The following TENT4B variants were observed in gnomAD, a reference collection of about 807,000 sequenced individuals.
TENT4B encodes terminal nucleotidyltransferase 4B.
Under a neutral mutation model 75.0 loss-of-function variants are expected in TENT4B, and 10 were observed. The ratio of observed to expected loss-of-function variants is 0.13; its 90% CI spans 0.08 to 0.23. The LOEUF (loss-of-function observed/expected upper bound fraction) is 0.23. Ranked by LOEUF, TENT4B falls within the 10% of genes least tolerant of loss-of-function variation. The pLI is 1.00. For synonymous variants in TENT4B, 350 were observed against 357.7 expected (o/e 0.98, Z 0.24); for missense variants, 579 against 893.8 (o/e 0.65, Z 4.49).
intron 1 of TENT4B, among the ~76,000 whole-genome samples, chr16:50,174,330 T>C (rs2038262372): frequency 6.6e-6 from 1 of 152,146 alleles, no homozygotes; most frequent in Admixed American, 6.5e-5. Flanking sequence ...ACTCCTGGTC[T>C]TCAGTGATCC....
chr16:50,153,315 A>AGCCGCCGCCGCC lies in TENT4B; in HGVS notation c.-297_-286dup, dbSNP rs1023664305. ...GCCGCCGCCGCTCGCTCTTCTGTGG[A>AGCCGCCGCCGCC]GCCGCCGCCGCCGCCGCCGCCATTT... On this transcript the variant is annotated 5_prime_UTR_variant, in exon 1 of 12. Transcript: ENST00000561678. 7.4e-6 allele frequency among the ~76,000 whole-genome samples: 1 copy of AGCCGCCGCCGCC among 135,848 alleles called. No individual in the cohort carries two copies. Among genetic ancestry groups the AGCCGCCGCCGCC allele is most frequent in the African/African-American group, 2.7e-5 (1 of 37,338 alleles). 89.1% of individuals were successfully genotyped at this position (135,848 alleles called of 152,430 possible). A position where few individuals can be genotyped will look rare whatever the true frequency, so the allele number is the denominator to read the frequency against.
chr16:50,214,617 C>T (rs1428737492), intron 3 of TENT4B, among the ~76,000 whole-genome samples: 4 of 152,298 alleles, frequency 2.6e-5, no homozygotes, highest in African/African-American at 9.6e-5. Flanking sequence ...GATCGCGCCA[C>T]TGCACTCCAG....
At chr16:50,228,923 C>T (rs747648761) in intron 11 of TENT4B, among the ~76,000 whole-genome samples, 10 of 152,092 alleles carry the variant, frequency 6.6e-5, no homozygotes, top group Non-Finnish European at 1.5e-4. Context: ...AGAAGGCGGG[C>T]GAGTGGTCTA....
At chr16:50,182,435 CT>C (rs2038432748) in intron 1 of TENT4B, among the ~76,000 whole-genome samples, 2 of 152,178 alleles carry the variant, frequency 1.3e-5, no homozygotes, top group Admixed American at 6.5e-5. Flanking sequence ...CAAAATACCT[CT>C]TCGTTATAAA....
chr16:50,231,792 C>T lies in TENT4B; in HGVS notation c.*2464C>T. ...TGCAGTGAACAGTGTGGAAGCTGTT[C>T]ATTTTTCAATCTGAAGTAAAATACT... On this transcript the variant is annotated 3_prime_UTR_variant, in exon 12 of 12. Transcript: ENST00000561678. The T allele has an allele frequency of 5.1e-6, 5 of 985,676 alleles. No homozygotes were observed. Among genetic ancestry groups the T allele is most frequent in the Non-Finnish European group, 3.6e-6 (3 of 829,784 alleles). The allele number at this position is 985,676 out of a possible 1,614,324, so 61.1% of individuals were successfully genotyped here.
At chr16:50,196,343 T>C (rs992387134) in intron 1 of TENT4B, among the ~76,000 whole-genome samples, 5 of 98,918 alleles carry the variant, frequency 5.1e-5, no homozygotes, top group Admixed American at 3.1e-4. Flanking sequence ...GTTACCTAAT[T>C]AGGAGTGTGA....
rs1567471134 is a variant in TENT4B at position 50,155,275 on chromosome 16, GTGTGTGT to G, written c.638+1017_638+1023del. ...AACAAAGCTTTTGGGTCTCGTGGGTGTGTGTGTGTGTGTGTGTGTGTGTGTGTGTGTG... is the reference window on the plus strand; with the variant it reads ...AACAAAGCTTTTGGGTCTCGTGGGTGGTGTGTGTGTGTGTGTGTGTGTGTG... On this transcript the variant is annotated intron_variant, in intron 1 of 11. Coordinates refer to ENST00000561678, the MANE Select transcript of TENT4B (RefSeq NM_001365324.3). Among the ~76,000 whole-genome samples the G allele has an allele frequency of 3.4e-3, 501 of 147,852 alleles. 2 individuals are homozygous for G. The highest frequency in any genetic ancestry group is 0.011 in the African/African-American group (440 of 40,088).
At chr16:50,192,639 C>T (rs1429411326) in intron 1 of TENT4B, among the ~76,000 whole-genome samples, 1 of 152,154 alleles carries the variant, frequency 6.6e-6, no homozygotes. Flanking sequence ...TCTGTGGTCT[C>T]TGTCTTAACT....
At chr16:50,213,049 G>A (rs1411043684) in intron 2 of TENT4B, among the ~76,000 whole-genome samples, 1 of 152,034 alleles carries the variant, frequency 6.6e-6, no homozygotes, top group Non-Finnish European at 1.5e-5. Context: ...AGGTTGAACT[G>A]GTTTCACTGT....
At chr16:50,192,284 A>G (rs1166269888) in intron 1 of TENT4B, among the ~76,000 whole-genome samples, 3 of 152,084 alleles carry the variant, frequency 2.0e-5, no homozygotes, top group African/African-American at 4.8e-5. Context: ...CTTCCTATAC[A>G]ACAAGTTGTC....
At position 50,232,579 on chromosome 16, in the gene TENT4B, C is replaced by T; in HGVS notation, c.*3251C>T. ...ACTTGTGTTTGCCTGAACCTGTGGA[C>T]TAGTGTTTGGGGTTTCTGGAAACAC... On this transcript the variant is annotated 3_prime_UTR_variant, in exon 12 of 12. Transcript: ENST00000561678. The T allele has an allele frequency of 3.0e-6, 3 of 985,276 alleles. No homozygotes were observed. Among genetic ancestry groups the T allele is most frequent in the Non-Finnish European group, 3.6e-6 (3 of 829,914 alleles). 61.0% of individuals were successfully genotyped at this position (985,276 alleles called of 1,614,324 possible).
rs371299009 is a variant in TENT4B at position 50,187,814 on chromosome 16, G to A, written c.639-23509G>A. 1.4e-3 allele frequency among the ~76,000 whole-genome samples: 204 copies of A among 150,804 alleles called. 1 individual carries two copies. Among genetic ancestry groups the A allele is most frequent in the African/African-American group, 4.7e-3 (193 of 41,046 alleles). On this transcript the variant is annotated intron_variant, in intron 1 of 11. Coordinates refer to ENST00000561678, the MANE Select transcript of TENT4B (RefSeq NM_001365324.3). ...TCAAGGTGGGAGGATTCCTTGAGCCGAGGAGTTTGAGACCAGCCTGGGCAA... is the reference window on the plus strand; with the variant it reads ...TCAAGGTGGGAGGATTCCTTGAGCCAAGGAGTTTGAGACCAGCCTGGGCAA...
chr16:50,205,662 CTTG>C (rs1345336617), intron 1 of TENT4B, among the ~76,000 whole-genome samples: 1 of 138,462 alleles, frequency 7.2e-6, no homozygotes, highest in Non-Finnish European at 1.5e-5. Context: ...ATGATCTCAG[CTTG>C]CTGTGATCTC....
At chr16:50,152,934 G>A (rs1394740110), upstream of TENT4B, 14 of 1,500,564 alleles carry the variant, frequency 9.3e-6, no homozygotes, top group East Asian at 2.4e-4. Context: ...CGCTCCCTGC[G>A]GGGCGGGCGG....
rs2032384838 is a variant in TENT4B, at chr16:50,234,321, G to A, written c.*4993G>A. The stretch of plus-strand genomic sequence containing the variant: ...AGGTGTGGTGGAATTGGGTAGGGGA[G>A]GGAAAGGAGGACTTGGAAAAGCATT... On this transcript the variant is annotated 3_prime_UTR_variant, in exon 12 of 12. Coordinates refer to ENST00000561678, the MANE Select transcript of TENT4B (RefSeq NM_001365324.3). The A allele has an allele frequency of 2.0e-6, 2 of 983,346 alleles. No homozygotes were observed. The highest frequency in any genetic ancestry group is 1.3e-4 in the Admixed American group (2 of 15,862). The allele number at this position is 983,346 out of a possible 1,614,324, so 60.9% of individuals were successfully genotyped here. A position where few individuals can be genotyped will look rare whatever the true frequency, so the allele number is the denominator to read the frequency against.
intron 1 of TENT4B, among the ~76,000 whole-genome samples, chr16:50,163,226 G>T (rs1378750335): frequency 6.6e-6 from 1 of 151,992 alleles, no homozygotes; most frequent in African/African-American, 2.4e-5. Context: ...GGTGACTTTT[G>T]GCTAATTTCC....
Position 50,233,882 on chromosome 16 carries a change from A to G in TENT4B, c.*4554A>G, listed in dbSNP as rs1171213662. The G allele has an allele frequency of 3.0e-6, 3 of 985,452 alleles. No individual in the cohort carries two copies. Among genetic ancestry groups the G allele is most frequent in the African/African-American group, 3.5e-5 (2 of 57,368 alleles). The allele number at this position is 985,452 out of a possible 1,614,324, so 61.0% of individuals were successfully genotyped here. ...ACTGAGAGATATTTTAGCTATGTCA[A>G]TAAGAACAGCTAATGATGTGGAAAT... On this transcript the variant is annotated 3_prime_UTR_variant, in exon 12 of 12. Coordinates refer to ENST00000561678, the MANE Select transcript of TENT4B (RefSeq NM_001365324.3).
intron 1 of TENT4B, among the ~76,000 whole-genome samples, chr16:50,181,119 T>A (rs966829363): frequency 2.0e-5 from 3 of 152,212 alleles, no homozygotes; most frequent in Admixed American, 6.5e-5. Flanking sequence ...AATTGTGAAA[T>A]TATGTGTAAG....
intron 1 of TENT4B, among the ~76,000 whole-genome samples, chr16:50,160,685 C>T (rs370871289): frequency 4.6e-5 from 7 of 152,292 alleles, no homozygotes; most frequent in East Asian, 1.9e-4. Flanking sequence ...CTGAATATCA[C>T]AGGAAGGGTA....
Sources: gnomAD v4.1 joint callset for allele counts (sites outside exome capture counted in the v4.1 genomes callset) on GRCh38, gnomAD v4.1.1 for gene constraint, MANE v1.5 for transcripts, NCBI Gene and HGNC (gene_info 2026-07-23, HGNC 2026-07-21) for gene names.